SLC24A3: variants seen among roughly 807,000 people sequenced by gnomAD.
The protein encoded by SLC24A3 is solute carrier family 24 member 3.
SLC24A3 carries 28 observed loss-of-function variants against 75.8 expected under a neutral mutation model. The ratio of observed to expected loss-of-function variants is 0.37; its 90% CI spans 0.27 to 0.51. SLC24A3 has a LOEUF of 0.51. Ranked by LOEUF, SLC24A3 falls within the 20% of genes least tolerant of loss-of-function variation. The pLI is 0.94. For synonymous variants in SLC24A3, 372 were observed against 334.1 expected, an observed-to-expected ratio of 1.11 and a Z score of -1.24; for missense variants, 663 against 847.8, an observed-to-expected ratio of 0.78 and a Z score of 2.71.
At chr20:19,620,393 C>T (rs2031788333) in intron 6 of SLC24A3, among the ~76,000 whole-genome samples, 1 of 152,124 alleles carries the variant, frequency 6.6e-6, no homozygotes, top group Non-Finnish European at 1.5e-5. Context: ...CTTTCAAAAC[C>T]AGTATATTCT....
At chr20:19,502,001 G>A (rs1004030532) in intron 2 of SLC24A3, among the ~76,000 whole-genome samples, 12 of 152,040 alleles carry the variant, frequency 7.9e-5, no homozygotes, top group South Asian at 2.1e-4. Flanking sequence ...GTTTGCAGTC[G>A]CTTATGAAGT....
chr20:19,334,298 TG>T (rs1276246317), intron 2 of SLC24A3, among the ~76,000 whole-genome samples: 3 of 152,162 alleles, frequency 2.0e-5, no homozygotes, highest in African/African-American at 7.2e-5. Flanking sequence ...GCTTGATTTT[TG>T]GAGATAGCTA....
At chr20:19,543,431 G>A (rs888519684) in intron 3 of SLC24A3, among the ~76,000 whole-genome samples, 33 of 152,230 alleles carry the variant, frequency 2.2e-4, no homozygotes, top group African/African-American at 5.3e-4. Flanking sequence ...TGGAGGGCCC[G>A]AACTATGTAG....
At chr20:19,598,493 TG>T (rs2031479601) in intron 6 of SLC24A3, among the ~76,000 whole-genome samples, 1 of 151,994 alleles carries the variant, frequency 6.6e-6, no homozygotes, top group Non-Finnish European at 1.5e-5. Context: ...GAAGGGAGGA[TG>T]AGTTTCTTCT....
intron 2 of SLC24A3, among the ~76,000 whole-genome samples, chr20:19,328,281 G>C (rs1984917049): frequency 6.6e-6 from 1 of 152,158 alleles, no homozygotes; most frequent in Non-Finnish European, 1.5e-5. Context: ...TTAGGGTCTT[G>C]GGGGCTGGTG....
intron 2 of SLC24A3, among the ~76,000 whole-genome samples, chr20:19,512,245 A>T (rs1250245619): frequency 6.6e-6 from 1 of 152,176 alleles, no homozygotes; most frequent in Non-Finnish European, 1.5e-5. Context: ...CACTCCCTGA[A>T]GGGAGGAAAG....
intron 1 of SLC24A3, among the ~76,000 whole-genome samples, chr20:19,274,317 A>G (rs1983419153): frequency 6.6e-6 from 1 of 151,884 alleles, no homozygotes; most frequent in Non-Finnish European, 1.5e-5. Flanking sequence ...AACAGAACCT[A>G]TCGCCTCCTG....
chr20:19,540,688 A>G (rs576878820), intron 3 of SLC24A3, among the ~76,000 whole-genome samples: 101 of 152,276 alleles, frequency 6.6e-4, no homozygotes, highest in African/African-American at 2.1e-3. Flanking sequence ...TTCTGCTTCT[A>G]TGTTTTAGTC....
At chr20:19,447,894 G>C (rs141286410) in intron 2 of SLC24A3, among the ~76,000 whole-genome samples, 1 of 152,218 alleles carries the variant, frequency 6.6e-6, no homozygotes, top group African/African-American at 2.4e-5. Context: ...TGGGTACTTC[G>C]TGAAGGCTGT....
chr20:19,415,333 C>T (rs903911196), intron 2 of SLC24A3, among the ~76,000 whole-genome samples: 5 of 152,302 alleles, frequency 3.3e-5, no homozygotes, highest in South Asian at 4.1e-4. Flanking sequence ...ACTGTGTAGG[C>T]TCCTGTGCCT....
intron 2 of SLC24A3, among the ~76,000 whole-genome samples, chr20:19,428,969 T>C (rs1274688094): frequency 6.6e-6 from 1 of 152,208 alleles, no homozygotes; most frequent in Non-Finnish European, 1.5e-5. Context: ...ACAGCAAGCA[T>C]GGGATGCCTT....
chr20:19,694,390 A>ATAT (rs1241535166), intron 13 of SLC24A3: 1 of 152,252 alleles, frequency 6.6e-6, no homozygotes, highest in East Asian at 1.9e-4. Flanking sequence ...TATGAAAAAG[A>ATAT]TATTTTGGTA....
rs532818831 is a variant in SLC24A3 at position 19,285,567 on chromosome 20, T to C, written c.271+4480T>C. On this transcript the variant is annotated intron_variant, in intron 2 of 16. Transcript: ENST00000328041. ...GAAATTTGTGATTTTTTTTTTTTTT[T>C]CTACCTTCAGAACTGCATGAACAAG... Among the ~76,000 whole-genome samples, 123 of 148,338 alleles carry C rather than the reference T, an allele frequency of 8.3e-4. 1 individual carries two copies. Among genetic ancestry groups the C allele is most frequent in the African/African-American group, 2.9e-3 (115 of 39,270 alleles).
At chr20:19,360,836 T>C (rs574727087) in intron 2 of SLC24A3, among the ~76,000 whole-genome samples, 12 of 152,136 alleles carry the variant, frequency 7.9e-5, no homozygotes, top group Non-Finnish European at 1.5e-4. Context: ...AAATTTTTTT[T>C]TTTTTTTTGA....
At chr20:19,551,549 A>T (rs992893072) in intron 3 of SLC24A3, among the ~76,000 whole-genome samples, 3 of 152,122 alleles carry the variant, frequency 2.0e-5, no homozygotes, top group African/African-American at 7.2e-5. Flanking sequence ...TAGAGAAATA[A>T]ATGCCTTGGT....
intron 12 of SLC24A3, among the ~76,000 whole-genome samples, chr20:19,686,228 TC>T (rs2032673984): frequency 1.3e-5 from 2 of 152,116 alleles, no homozygotes; most frequent in Non-Finnish European, 2.9e-5. Flanking sequence ...CCTCCACCCA[TC>T]CCATTGCACC....
At position 19,657,096 on chromosome 20, in the gene SLC24A3, C is replaced by G. The variant is rs576127532; in HGVS notation, c.687+2960C>G. Reference sequence around the variant, plus strand: ...ACTCCATATTTCATTCAGACAGCAACAAACCACATAAGCAAATGATTCTTT... The same window carrying G: ...ACTCCATATTTCATTCAGACAGCAAGAAACCACATAAGCAAATGATTCTTT... On this transcript the variant is annotated intron_variant, in intron 7 of 16. Transcript: ENST00000328041. 2.4e-4 allele frequency among the ~76,000 whole-genome samples: 37 copies of G among 152,312 alleles called. 1 individual carries two copies. The highest frequency in any genetic ancestry group is 3.4e-3 in the Middle Eastern group (1 of 294).
intron 1 of SLC24A3, among the ~76,000 whole-genome samples, chr20:19,222,854 T>A (rs1053808623): frequency 6.7e-6 from 1 of 148,690 alleles, no homozygotes; most frequent in Non-Finnish European, 1.5e-5. Context: ...CCCTTTTAAC[T>A]ACTGTACACA....
At chr20:19,426,803 C>T (rs1464512196) in intron 2 of SLC24A3, among the ~76,000 whole-genome samples, 3 of 152,108 alleles carry the variant, frequency 2.0e-5, no homozygotes, top group African/African-American at 4.8e-5. Flanking sequence ...GAGGCTACTG[C>T]GGCCATCCAG....
Sources: gnomAD v4.1 joint callset for allele counts (sites outside exome capture counted in the v4.1 genomes callset) on GRCh38, gnomAD v4.1.1 for gene constraint, MANE v1.5 for transcripts, NCBI Gene and HGNC (gene_info 2026-07-23, HGNC 2026-07-21) for gene names.